Variants in MSR1 observed in about 807,000 individuals in gnomAD.
MSR1 encodes macrophage scavenger receptor types I and II.
Under a neutral mutation model 47.2 loss-of-function variants are expected in MSR1, and 53 were observed. The ratio of observed to expected loss-of-function variants is 1.12; its 90% CI spans 0.90 to 1.41. MSR1 has a LOEUF of 1.41. Ranked by LOEUF, MSR1 falls within the 40% of genes most tolerant of loss-of-function variation. MSR1 has a pLI of 0.00. For synonymous variants in MSR1, 239 were observed against 185.6 expected, an observed-to-expected ratio of 1.29 and a Z score of -2.34; for missense variants, 786 against 546.9, an observed-to-expected ratio of 1.44 and a Z score of -4.36.
In MSR1 at chr8:16,131,280, G is replaced by A. The variant is rs761467319; in HGVS notation, c.1034-10674C>T. Among the ~76,000 whole-genome samples, 4 of 151,988 alleles carry A rather than the reference G, an allele frequency of 2.6e-5. 1 individual carries two copies. The highest frequency in any genetic ancestry group is 4.4e-5 in the Non-Finnish European group (3 of 67,972). ...GCATATGCTTGTTGGCCACGTGTAC[G>A]TCTTCCTTTGAAAATTGTCTGTTCA... On this transcript the variant is annotated intron_variant, in intron 8 of 9. Coordinates refer to ENST00000262101, the MANE Select transcript of MSR1 (RefSeq NM_138715.3).
At chr8:16,131,270 C>T (rs1261042571) in intron 8 of MSR1, among the ~76,000 whole-genome samples, 1 of 152,030 alleles carries the variant, frequency 6.6e-6, no homozygotes, top group African/African-American at 2.4e-5. Context: ...TGCTTGTTGG[C>T]CACGTGTACG....
intron 1 of MSR1, among the ~76,000 whole-genome samples, chr8:16,191,820 C>T (rs1802207649): frequency 6.6e-6 from 1 of 152,152 alleles, no homozygotes; most frequent in Non-Finnish European, 1.5e-5. Context: ...CCATTATATG[C>T]TGTGTGAATC....
chr8:16,186,567 C>A (rs562795875), intron 1 of MSR1, among the ~76,000 whole-genome samples: 1 of 152,160 alleles, frequency 6.6e-6, no homozygotes, highest in East Asian at 1.9e-4. Context: ...TATGTAGAAA[C>A]TGAGGGCTTC....
chr8:16,123,596 G>C (rs1041559147), intron 8 of MSR1, among the ~76,000 whole-genome samples: 2 of 150,490 alleles, frequency 1.3e-5, no homozygotes, highest in Admixed American at 1.4e-4. Context: ...GTGTGTGTGT[G>C]TGTGTGTGTC....
intron 1 of MSR1, among the ~76,000 whole-genome samples, chr8:16,189,452 C>T (rs1185978422): frequency 1.7e-4 from 9 of 54,350 alleles, no homozygotes; most frequent in Admixed American, 1.2e-3. Context: ...TATATAAAAT[C>T]TTATTTTATA....
At chr8:16,123,393 G>C (rs1042218083) in intron 8 of MSR1, among the ~76,000 whole-genome samples, 1 of 152,082 alleles carries the variant, frequency 6.6e-6, no homozygotes, top group African/African-American at 2.4e-5. Flanking sequence ...CATCAACCTT[G>C]ATCATAGGAT....
intron 9 of MSR1, among the ~76,000 whole-genome samples, chr8:16,114,669 G>A (rs1226942236): frequency 6.6e-6 from 1 of 152,048 alleles, no homozygotes; most frequent in Non-Finnish European, 1.5e-5. Flanking sequence ...AGAAAAAAAG[G>A]TGCATCCAAA....
chr8:16,162,861 A>T lies in MSR1; in HGVS notation c.817+1204T>A, dbSNP rs967579712. Among the ~76,000 whole-genome samples, 3 of 152,092 alleles carry T rather than the reference A, an allele frequency of 2.0e-5. No individual in the cohort carries two copies. The East Asian group carries it at 5.8e-4, about 29-fold the overall frequency. On this transcript the variant is annotated intron_variant, in intron 5 of 9. Transcript: ENST00000262101. The stretch of plus-strand genomic sequence containing the variant: ...TCTCTTTGCTTTCCCTGGTCCTACC[A>T]GCCTGACTACTTTTCCCTAATTAAG...
chr8:16,168,543 C>T lies in MSR1; in HGVS notation c.545G>A (p.Ser182Asn). 1 of 1,614,124 alleles carries T rather than the reference C, an allele frequency of 6.2e-7. No homozygotes were observed. Among genetic ancestry groups the T allele is most frequent in the South Asian group, 1.1e-5 (1 of 91,086 alleles). Reference protein sequence around the residue: ...AIDEISKSLISLNTTLLDLQL... With the variant: ...AIDEISKSLINLNTTLLDLQL... Reference sequence around the variant, plus strand: ...CAAATCAAGCAATGTGGTATTCAAACTTATTAAGGACTTGGAGATTTCATC... The same window carrying T: ...CAAATCAAGCAATGTGGTATTCAAATTTATTAAGGACTTGGAGATTTCATC... The change falls in exon 4 of 10, where the codon AGT (serine) becomes AAT (asparagine). Residue 182 changes from serine (S) to asparagine (N), a missense_variant. By Grantham distance (46) the Ser-to-Asn change is conservative. Coordinates refer to ENST00000262101, the MANE Select transcript of MSR1 (RefSeq NM_138715.3).
chr8:16,184,352 T>C (rs754472848), intron 1 of MSR1, among the ~76,000 whole-genome samples: 16 of 152,084 alleles, frequency 1.1e-4, no homozygotes, highest in Non-Finnish European at 1.6e-4. Context: ...ATTTGATCTA[T>C]TACATCTGTT....
chr8:16,154,484 A>T (rs1182401888), intron 6 of MSR1, among the ~76,000 whole-genome samples: 1 of 152,084 alleles, frequency 6.6e-6, no homozygotes, highest in Non-Finnish European at 1.5e-5. Context: ...TAAAGCACAG[A>T]GAGTGACTGT....
intron 3 of MSR1, among the ~76,000 whole-genome samples, chr8:16,174,713 A>C (rs1279528794): frequency 6.6e-6 from 1 of 152,196 alleles, no homozygotes; most frequent in Non-Finnish European, 1.5e-5. Flanking sequence ...CTCTCTTTAA[A>C]AACTGACAGA....
At chr8:16,152,221 T>C (rs554222012) in intron 6 of MSR1, among the ~76,000 whole-genome samples, 1 of 152,220 alleles carries the variant, frequency 6.6e-6, no homozygotes, top group African/African-American at 2.4e-5. Context: ...CACAATTTGT[T>C]ACTTCCAGAA....
intron 5 of MSR1, among the ~76,000 whole-genome samples, chr8:16,157,789 G>T (rs1801052039): frequency 6.6e-6 from 1 of 151,972 alleles, no homozygotes; most frequent in African/African-American, 2.4e-5. Flanking sequence ...CCATCACACA[G>T]CTGGACTATT....
chr8:16,189,958 A>G (rs1174769115), intron 1 of MSR1, among the ~76,000 whole-genome samples: 2 of 127,452 alleles, frequency 1.6e-5, no homozygotes, highest in African/African-American at 6.4e-5. Context: ...TTTGTCACCC[A>G]GGCTGGAGTG....
At chr8:16,159,831 C>G (rs902393416) in intron 5 of MSR1, among the ~76,000 whole-genome samples, 49 of 151,788 alleles carry the variant, frequency 3.2e-4, no homozygotes, top group African/African-American at 1.1e-3. Flanking sequence ...ATTGGTAGAA[C>G]CAGCAAAGGC....
At chr8:16,152,698 TCTC>T (rs1384506489) in intron 6 of MSR1, among the ~76,000 whole-genome samples, 1 of 151,978 alleles carries the variant, frequency 6.6e-6, no homozygotes, top group Admixed American at 6.6e-5. Context: ...GAAAGTTGCT[TCTC>T]CTTCAAAACA....
chr8:16,134,460 C>T (rs764754565), intron 8 of MSR1, among the ~76,000 whole-genome samples: 2 of 152,024 alleles, frequency 1.3e-5, no homozygotes, highest in Non-Finnish European at 2.9e-5. Flanking sequence ...AAACCATGCC[C>T]GTAAAAGATG....
chr8:16,123,206 A>C (rs893682915), intron 8 of MSR1, among the ~76,000 whole-genome samples: 5 of 152,072 alleles, frequency 3.3e-5, no homozygotes, highest in Non-Finnish European at 7.4e-5. Flanking sequence ...CTGTCACCTG[A>C]AATATTTTTC....
Sources: allele counts gnomAD v4.1 joint callset (sites outside exome capture counted in the v4.1 genomes callset), GRCh38; gene constraint gnomAD v4.1.1; transcripts MANE v1.5; gene names NCBI Gene and HGNC (gene_info 2026-07-23, HGNC 2026-07-21).